NR3C2: variants seen among roughly 807,000 people sequenced by gnomAD.
NR3C2 encodes nuclear receptor subfamily 3 group C member 2.
A neutral mutation model predicts 86.4 loss-of-function variants in NR3C2; 15 were observed. The ratio of observed to expected loss-of-function variants is 0.17; its 90% CI spans 0.12 to 0.27. The LOEUF (loss-of-function observed/expected upper bound fraction) is 0.27, where lower values mean the gene tolerates loss of function less well. NR3C2 is among the 10% of genes least tolerant of loss of function. The probability of loss-of-function intolerance (pLI) is 1.00; values close to 1 mark genes in which losing one functional copy is unlikely to be tolerated. For missense variants in NR3C2, 960 were observed against 1,195.6 expected, an observed-to-expected ratio of 0.80 and a Z score of 2.91; for synonymous variants, 458 against 450.5, an observed-to-expected ratio of 1.02 and a Z score of -0.21.
intron 2 of NR3C2, among the ~76,000 whole-genome samples, chr4:148,383,855 G>C (rs983503917): frequency 3.3e-5 from 5 of 151,808 alleles, no homozygotes; most frequent in African/African-American, 1.2e-4. Context: ...GGCTGAGGCA[G>C]GAGAATTGCT....
intron 2 of NR3C2, among the ~76,000 whole-genome samples, chr4:148,367,311 T>C (rs1746194957): frequency 6.6e-6 from 1 of 152,208 alleles, no homozygotes; most frequent in Non-Finnish European, 1.5e-5. Flanking sequence ...ATTATACATA[T>C]ACTTTTGGCA....
intron 4 of NR3C2, among the ~76,000 whole-genome samples, chr4:148,166,024 C>T (rs937255854): frequency 6.6e-6 from 1 of 152,208 alleles, no homozygotes; most frequent in African/African-American, 2.4e-5. Context: ...TGCTTTTATG[C>T]ATTTAAATAT....
intron 2 of NR3C2, among the ~76,000 whole-genome samples, chr4:148,270,338 C>G (rs1278306881): frequency 1.3e-5 from 2 of 152,140 alleles, no homozygotes; most frequent in East Asian, 3.8e-4. Context: ...ACTGTTCCAT[C>G]GGTCCACTTG....
At chr4:148,426,778 C>T (rs142914184) in intron 2 of NR3C2, among the ~76,000 whole-genome samples, 206 of 152,212 alleles carry the variant, frequency 1.4e-3, no homozygotes, top group Middle Eastern at 0.01. Flanking sequence ...TAACAGCATC[C>T]ACAGGGACTC....
chr4:148,123,289 GT>G (rs1234444440), intron 6 of NR3C2, among the ~76,000 whole-genome samples: 1 of 152,190 alleles, frequency 6.6e-6, no homozygotes, highest in Non-Finnish European at 1.5e-5. Context: ...TGTTTAAGAT[GT>G]TTATCAAGGC....
intron 4 of NR3C2, among the ~76,000 whole-genome samples, chr4:148,168,109 AAT>A (rs1734963525): frequency 6.6e-6 from 1 of 152,202 alleles, no homozygotes; most frequent in African/African-American, 2.4e-5. Context: ...ATACTCCAGA[AAT>A]AGACTCCAGG....
chr4:148,314,746 T>C (rs1037307750), intron 2 of NR3C2, among the ~76,000 whole-genome samples: 8 of 152,134 alleles, frequency 5.3e-5, no homozygotes, highest in African/African-American at 1.7e-4. Context: ...AAAAGGAAAA[T>C]TGAAATTGAA....
At chr4:148,298,658 A>G (rs1355440753) in intron 2 of NR3C2, among the ~76,000 whole-genome samples, 2 of 152,266 alleles carry the variant, frequency 1.3e-5, no homozygotes, top group Non-Finnish European at 2.9e-5. Flanking sequence ...TGCTTTCTGC[A>G]GAACTACTAC....
At chr4:148,255,237 C>T (rs1185242648) in intron 3 of NR3C2, among the ~76,000 whole-genome samples, 2 of 152,036 alleles carry the variant, frequency 1.3e-5, no homozygotes, top group African/African-American at 4.8e-5. Context: ...TTTTAAAGAA[C>T]CAAAGAAAAC....
chr4:148,199,429 G>C (rs1736605109), intron 3 of NR3C2, among the ~76,000 whole-genome samples: 1 of 152,144 alleles, frequency 6.6e-6, no homozygotes, highest in Non-Finnish European at 1.5e-5. Context: ...ATTCTGGAAA[G>C]TTATAACTTC....
intron 4 of NR3C2, among the ~76,000 whole-genome samples, chr4:148,163,428 C>CTTATAT (rs1353883655): frequency 2.0e-5 from 3 of 152,226 alleles, no homozygotes; most frequent in African/African-American, 7.2e-5. Context: ...GAATAAATCC[C>CTTATAT]TTATATTTAT....
At chr4:148,211,082 C>T (rs534281089) in intron 3 of NR3C2, among the ~76,000 whole-genome samples, 9 of 152,338 alleles carry the variant, frequency 5.9e-5, no homozygotes, top group African/African-American at 2.2e-4. Context: ...GAGCAAACTG[C>T]TGAAGACAGG....
intron 2 of NR3C2, among the ~76,000 whole-genome samples, chr4:148,358,896 T>C (rs17581815): frequency 0.19 from 29,387 of 151,954 alleles, 3,127 homozygotes; most frequent in Non-Finnish European, 0.23. Context: ...AGTTTGATCT[T>C]AGAAAAAGAA....
intron 2 of NR3C2, among the ~76,000 whole-genome samples, chr4:148,353,196 T>A (rs1745382979): frequency 6.6e-6 from 1 of 152,120 alleles, no homozygotes; most frequent in African/African-American, 2.4e-5. Context: ...TATAGCCTGC[T>A]TTATTCTAAA....
intron 7 of NR3C2, among the ~76,000 whole-genome samples, chr4:148,117,780 A>T (rs981334513): frequency 6.6e-6 from 1 of 152,048 alleles, no homozygotes; most frequent in Non-Finnish European, 1.5e-5. Flanking sequence ...CGCATTCGGA[A>T]ATCCTGAGCC....
chr4:148,339,661 A>G (rs757190511), intron 2 of NR3C2, among the ~76,000 whole-genome samples: 1 of 152,174 alleles, frequency 6.6e-6, no homozygotes, highest in Non-Finnish European at 1.5e-5. Context: ...TGAAATATAA[A>G]AGAGAGAGGA....
chr4:148,140,052 A>G (rs2149752441), intron 6 of NR3C2, among the ~76,000 whole-genome samples: 1 of 152,328 alleles, frequency 6.6e-6, no homozygotes, highest in East Asian at 1.9e-4. Flanking sequence ...GTGCCAGCAA[A>G]GCTACTATCT....
intron 6 of NR3C2, among the ~76,000 whole-genome samples, chr4:148,124,915 A>G (rs1167203179): frequency 6.6e-6 from 1 of 152,168 alleles, no homozygotes; most frequent in Non-Finnish European, 1.5e-5. Flanking sequence ...GCTCTATTCA[A>G]TTCTCTCTCA....
At chr4:148,339,385 G>T (rs951615480) in intron 2 of NR3C2, among the ~76,000 whole-genome samples, 2 of 152,102 alleles carry the variant, frequency 1.3e-5, no homozygotes, top group Non-Finnish European at 2.9e-5. Flanking sequence ...CTAAAATGAT[G>T]GAGATGACAT....
Sources: gnomAD v4.1 joint callset for allele counts (sites outside exome capture counted in the v4.1 genomes callset) on GRCh38, gnomAD v4.1.1 for gene constraint, MANE v1.5 for transcripts, NCBI Gene and HGNC (gene_info 2026-07-23, HGNC 2026-07-21) for gene names.